The following TENM2 variants were observed in gnomAD, a reference collection of about 807,000 sequenced individuals.
TENM2 encodes the protein teneurin transmembrane protein 2.
A neutral mutation model predicts 245.2 loss-of-function variants in TENM2; 52 were observed. The ratio of observed to expected loss-of-function variants is 0.21; its 90% CI spans 0.17 to 0.27. The LOEUF is 0.27. Among genes scored for constraint, TENM2 ranks in the 10% least tolerant of loss-of-function variants. The probability of loss-of-function intolerance (pLI) is 1.00; values close to 1 mark genes in which losing one functional copy is unlikely to be tolerated. For missense variants in TENM2, 3,046 were observed against 3,666.8 expected, an observed-to-expected ratio of 0.83 and a Z score of 4.37; for synonymous variants, 1,363 against 1,438.9, an observed-to-expected ratio of 0.95 and a Z score of 1.19.
chr5:168,198,853 G>T (rs375674029), exon 16 of TENM2: 33 of 1,613,482 alleles, frequency 2.0e-5, no homozygotes, highest in South Asian at 6.6e-5. Flanking sequence ...CCCTCTCCAG[G>T]TTCGACCTGA....
chr5:167,951,249 C>T (rs974704222), intron 3 of TENM2, among the ~76,000 whole-genome samples: 1 of 152,136 alleles, frequency 6.6e-6, no homozygotes, highest in African/African-American at 2.4e-5. Context: ...TGACTTGAGC[C>T]AACTTCTTAA....
chr5:167,627,142 C>T (rs1396234814), intron 2 of TENM2, among the ~76,000 whole-genome samples: 4 of 152,136 alleles, frequency 2.6e-5, no homozygotes, highest in Non-Finnish European at 5.9e-5. Flanking sequence ...ACTGTTAAAA[C>T]CCATCCATTT....
chr5:167,956,507 T>C (rs1230469142), intron 4 of TENM2, among the ~76,000 whole-genome samples: 1 of 152,174 alleles, frequency 6.6e-6, no homozygotes, highest in Non-Finnish European at 1.5e-5. Context: ...TCGAGTACTA[T>C]GTTGAATAGG....
At chr5:167,126,690 A>G in the TENM2 span, among the ~76,000 whole-genome samples, 8 of 151,842 alleles carry the variant, frequency 5.3e-5, no homozygotes, top group African/African-American at 1.5e-4. Flanking sequence ...ATATTTTGCA[A>G]TTTTTTTTGT....
intron 2 of TENM2, among the ~76,000 whole-genome samples, chr5:167,414,497 A>G (rs1473653539): frequency 2.0e-5 from 3 of 152,060 alleles, no homozygotes; most frequent in African/African-American, 7.2e-5. Context: ...GTGAAAAACA[A>G]AAGCTAACAC....
chr5:167,068,405 T>C, the TENM2 span, among the ~76,000 whole-genome samples: 1 of 152,198 alleles, frequency 6.6e-6, no homozygotes, highest in Non-Finnish European at 1.5e-5. Flanking sequence ...TTATTGTAAA[T>C]TTTTAATAGG....
At chr5:167,315,243 A>G (rs1258917766) in intron 1 of TENM2, among the ~76,000 whole-genome samples, 3 of 152,146 alleles carry the variant, frequency 2.0e-5, no homozygotes, top group African/African-American at 2.4e-5. Context: ...TTGTAATTCA[A>G]TGACAAGGTG....
chr5:167,955,120 C>T (rs1162569131), intron 4 of TENM2, among the ~76,000 whole-genome samples: 1 of 152,210 alleles, frequency 6.6e-6, no homozygotes, highest in South Asian at 2.1e-4. Context: ...CACATCCTCT[C>T]CAGCATCTGT....
At position 167,960,657 on chromosome 5, in the gene TENM2, C is replaced by G. The variant is rs1007757840; in HGVS notation, c.947+7835C>G. ...GCTCCATGGGTTGGGATCTGCTGAG[C>G]TAAACCACTTGGCTCCCTTGCTTCA... On this transcript the variant is annotated intron_variant, in intron 4 of 28. Transcript: ENST00000518659. Among the ~76,000 whole-genome samples the G allele has an allele frequency of 1.3e-5, 2 of 152,088 alleles. 1 individual carries two copies. Among genetic ancestry groups the G allele is most frequent in the South Asian group, 4.1e-4 (2 of 4,828 alleles).
At chr5:167,646,179 T>TATATATATATGTTGTTTTC (rs1561634088) in intron 2 of TENM2, among the ~76,000 whole-genome samples, 37 of 64,676 alleles carry the variant, frequency 5.7e-4, no homozygotes, top group African/African-American at 1.3e-3. Context: ...GTTGTTTTCA[T>TATATATATATGTTGTTTTC]ATATATATAT....
chr5:168,194,779 A>G (rs1472356), intron 14 of TENM2, among the ~76,000 whole-genome samples: 125,156 of 151,912 alleles, frequency 0.82, 52,262 homozygotes, highest in East Asian at 0.96. Flanking sequence ...TAACATGGCC[A>G]TCCTCCAAAG....
At chr5:167,150,276 A>T in the TENM2 span, among the ~76,000 whole-genome samples, 1 of 152,326 alleles carries the variant, frequency 6.6e-6, no homozygotes, top group South Asian at 2.1e-4. Flanking sequence ...GGCCATTTAA[A>T]TGGTTGAACT....
chr5:167,413,109 T>G (rs1762991649), intron 2 of TENM2, among the ~76,000 whole-genome samples: 1 of 152,156 alleles, frequency 6.6e-6, no homozygotes, highest in African/African-American at 2.4e-5. Flanking sequence ...TGGCATCATT[T>G]TCAAAAACCT....
At chr5:167,723,736 C>G (rs941818311) in intron 2 of TENM2, among the ~76,000 whole-genome samples, 3 of 152,222 alleles carry the variant, frequency 2.0e-5, no homozygotes, top group Non-Finnish European at 4.4e-5. Flanking sequence ...CTCCCTCCCT[C>G]TCTTCCTGCA....
intron 2 of TENM2, among the ~76,000 whole-genome samples, chr5:167,431,961 G>GTGTATATATATATGTA (rs982005904): frequency 2.3e-5 from 1 of 43,602 alleles, no homozygotes; most frequent in African/African-American, 5.1e-5. Context: ...ATATATATAT[G>GTGTATATATATATGTA]TATATATATA....
At chr5:167,004,182 A>G in the TENM2 span, among the ~76,000 whole-genome samples, 3 of 152,180 alleles carry the variant, frequency 2.0e-5, no homozygotes, top group African/African-American at 7.2e-5. Flanking sequence ...GTATTCAAAG[A>G]TGATTTAAAA....
chr5:167,101,849 TTATATATATATATA>T, the TENM2 span, among the ~76,000 whole-genome samples: 10 of 69,438 alleles, frequency 1.4e-4, 2 homozygotes, highest in East Asian at 8.4e-4. Flanking sequence ...ATATATATAT[TTATATATATATATA>T]TATATATATA....
At chr5:167,754,670 C>A (rs1190656732) in intron 2 of TENM2, among the ~76,000 whole-genome samples, 3 of 151,026 alleles carry the variant, frequency 2.0e-5, no homozygotes, top group African/African-American at 7.3e-5. Flanking sequence ...AGAAATTGTG[C>A]ATTCCTGCAC....
the TENM2 span, among the ~76,000 whole-genome samples, chr5:167,269,468 C>A: frequency 1.3e-5 from 2 of 151,838 alleles, no homozygotes; most frequent in African/African-American, 4.8e-5. Context: ...CTCATGTCAT[C>A]ATTGAAGCAA....
Sources: gnomAD v4.1 joint callset for allele counts (sites outside exome capture counted in the v4.1 genomes callset) on GRCh38, gnomAD v4.1.1 for gene constraint, MANE v1.5 for transcripts, NCBI Gene and HGNC (gene_info 2026-07-23, HGNC 2026-07-21) for gene names.